The following CYTH1 variants were observed in gnomAD, a reference collection of about 807,000 sequenced individuals.
The protein encoded by CYTH1 is cytohesin-1.
In CYTH1, 18 loss-of-function variants were observed where a neutral mutation model predicts 61.8. The observed-to-expected ratio is 0.29, with a 90% confidence interval of 0.20 to 0.43. The LOEUF is 0.43. Ranked by LOEUF, CYTH1 falls within the 20% of genes least tolerant of loss-of-function variation. CYTH1 has a pLI of 1.00. For synonymous variants in CYTH1, 174 were observed against 184.3 expected, an observed-to-expected ratio of 0.94 and a Z score of 0.45; for missense variants, 336 against 510.5, an observed-to-expected ratio of 0.66 and a Z score of 3.29.
intron 3 of CYTH1, among the ~76,000 whole-genome samples, chr17:78,706,621 T>C (rs1044794230): frequency 6.6e-6 from 1 of 152,232 alleles, no homozygotes; most frequent in African/African-American, 2.4e-5. Flanking sequence ...ATGGACATGT[T>C]TTCATTTCTC....
chr17:78,747,292 C>T (rs1330104762), intron 1 of CYTH1, among the ~76,000 whole-genome samples: 2 of 151,078 alleles, frequency 1.3e-5, no homozygotes, highest in Admixed American at 6.6e-5. Flanking sequence ...GGTATACTAA[C>T]GAGGGGAGTG....
rs373988402 is a variant in CYTH1, at chr17:78,728,230, G to A, written c.23-18498C>T. The stretch of plus-strand genomic sequence containing the variant: ...AAAGACCCCAGTAATCAAAGTTCTC[G>A]TACATACACCACGATGTTTAAAAAC... On this transcript the variant is annotated intron_variant, in intron 1 of 13. Transcript: ENST00000446868. 9.3e-4 allele frequency among the ~76,000 whole-genome samples: 142 copies of A among 152,240 alleles called. 1 individual carries two copies. The highest frequency in any genetic ancestry group is 3.2e-3 in the African/African-American group (134 of 41,540).
chr17:78,765,832 A>G (rs2144733547), intron 1 of CYTH1, among the ~76,000 whole-genome samples: 1 of 152,258 alleles, frequency 6.6e-6, no homozygotes, highest in South Asian at 2.1e-4. Context: ...TAAATCCTGC[A>G]ATAGCATGAA....
intron 5 of CYTH1, 50 bp downstream of exon 5, chr17:78,702,072 T>C (rs2093016146): frequency 1.4e-6 from 2 of 1,426,160 alleles, no homozygotes; most frequent in Non-Finnish European, 9.8e-7. Context: ...TTTCTTTGTG[T>C]CGTTCCTGAA....
At chr17:78,760,381 ATATACACACACATACATATATATATGTG>A (rs1352901546) in intron 1 of CYTH1, among the ~76,000 whole-genome samples, 622 of 57,680 alleles carry the variant, frequency 0.011, 32 homozygotes, top group East Asian at 0.037. Flanking sequence ...ATATATATAT[ATATACACACACATACATATATATATGTG>A]TATATATATA....
At chr17:78,777,382 C>T (rs1379511463) in intron 1 of CYTH1, among the ~76,000 whole-genome samples, 1 of 152,062 alleles carries the variant, frequency 6.6e-6, no homozygotes, top group Non-Finnish European at 1.5e-5. Context: ...TGCGCCACTG[C>T]ACTCTAGCCT....
At chr17:78,773,516 C>CT (rs1428339247) in intron 1 of CYTH1, among the ~76,000 whole-genome samples, 5 of 151,436 alleles carry the variant, frequency 3.3e-5, no homozygotes, top group Non-Finnish European at 5.9e-5. Flanking sequence ...TGTAATTCCG[C>CT]TACTCAGGAG....
At chr17:78,692,774 C>CG (rs2092901607) in intron 10 of CYTH1, among the ~76,000 whole-genome samples, 1 of 151,884 alleles carries the variant, frequency 6.6e-6, no homozygotes. Flanking sequence ...GCGAGAAAAC[C>CG]CGGGGCAATA....
intron 1 of CYTH1, among the ~76,000 whole-genome samples, chr17:78,738,241 C>T (rs1299514195): frequency 3.3e-5 from 5 of 152,176 alleles, no homozygotes; most frequent in Non-Finnish European, 5.9e-5. Flanking sequence ...TCATCTAATC[C>T]TGAAAACATC....
rs1237676773 is a variant in CYTH1, at chr17:78,675,024, G to A, written c.*1067C>T. 1 of 152,320 alleles carries A rather than the reference G, an allele frequency of 6.6e-6. No individual in the cohort carries two copies. Among genetic ancestry groups the A allele is most frequent in the Non-Finnish European group, 1.5e-5 (1 of 68,120 alleles). The allele number at this position is 152,320 out of a possible 1,614,324, so 9.4% of individuals were successfully genotyped here. A position where few individuals can be genotyped will look rare whatever the true frequency, so the allele number is the denominator to read the frequency against. On this transcript the variant is annotated 3_prime_UTR_variant, in exon 14 of 14. Coordinates refer to ENST00000446868, the MANE Select transcript of CYTH1 (RefSeq NM_004762.6). ...ATCCAGAGTAGTCCAGTTAGGGCTG[G>A]TTTTGAGGCAGAAAAAGCTGAAGCC...
chr17:78,696,029 A>C lies in CYTH1; in HGVS notation c.812-20T>G. 7.3e-7 allele frequency: 1 copy of C among 1,367,918 alleles called. No individual in the cohort carries two copies. Among genetic ancestry groups the C allele is most frequent in the Non-Finnish European group, 9.8e-7 (1 of 1,021,992 alleles). The allele number at this position is 1,367,918 out of a possible 1,614,324, so 84.7% of individuals were successfully genotyped here. A position where few individuals can be genotyped will look rare whatever the true frequency, so the allele number is the denominator to read the frequency against. On this transcript the variant is annotated intron_variant, in intron 9 of 13. Transcript: ENST00000446868. ...TACCTCCTGGAGTTTGGGGCAAGGA[A>C]AAGGAGAGCCAAAATCATGGAAACA... is the stretch of plus-strand genomic sequence containing the variant.
chr17:78,698,338 C>T lies in CYTH1; in HGVS notation c.742G>A (p.Glu248Lys). Residue 248 changes from glutamate (E) to lysine (K), a missense_variant, in exon 9 of 14, where the codon GAA (glutamate) becomes AAA (lysine). Physicochemically the swap from Glu to Lys is moderately conservative, Grantham distance 56 (BLOSUM62 1). This residue lies in a region of CYTH1 where 125 missense variants were observed against 209.9 expected (regional missense o/e 0.60). Transcript: ENST00000446868. Reference sequence around the variant, plus strand: ...TGAGTGAGGTCATTCCCGTCGTCTTCTGGGATTTTAAAGGGTTCATTTTTT... The same window carrying T: ...TGAGTGAGGTCATTCCCGTCGTCTTTTGGGATTTTAAAGGGTTCATTTTTT... The part of the protein sequence containing the change: ...SIKNEPFKIP[E>K]DDGNDLTHTF... The T allele has an allele frequency of 6.2e-7, 1 of 1,613,176 alleles. No homozygotes were observed. Among genetic ancestry groups the T allele is most frequent in the Non-Finnish European group, 8.5e-7 (1 of 1,179,806 alleles).
intron 1 of CYTH1, among the ~76,000 whole-genome samples, chr17:78,721,423 G>T (rs774940347): frequency 2.0e-5 from 3 of 152,236 alleles, no homozygotes; most frequent in Non-Finnish European, 4.4e-5. Flanking sequence ...CAACATAGAG[G>T]CAGAGGTGCC....
intron 9 of CYTH1, 66 bp downstream of exon 9, chr17:78,698,179 GCGCACACACGCACGCACGCACACA>G (rs2144258900): frequency 1.9e-6 from 2 of 1,056,860 alleles, no homozygotes; most frequent in Non-Finnish European, 2.9e-6. Context: ...ACACGCACAC[GCGCACACACGCACGCACGCACACA>G]CGCACACACA....
At chr17:78,707,914 C>T (rs1784382569) in intron 3 of CYTH1, among the ~76,000 whole-genome samples, 2 of 152,070 alleles carry the variant, frequency 1.3e-5, no homozygotes, top group African/African-American at 2.4e-5. Flanking sequence ...CTCTTGACCT[C>T]GTGATCCACC....
At chr17:78,697,590 T>C (rs1274751655) in intron 9 of CYTH1, among the ~76,000 whole-genome samples, 6 of 150,226 alleles carry the variant, frequency 4.0e-5, no homozygotes, top group African/African-American at 1.5e-4. Flanking sequence ...CTGATTCAGA[T>C]TGAAAAGGAG....
chr17:78,706,179 T>A (rs972334850), intron 3 of CYTH1, among the ~76,000 whole-genome samples: 5 of 152,200 alleles, frequency 3.3e-5, no homozygotes, highest in Non-Finnish European at 7.3e-5. Flanking sequence ...ACACCTTAAG[T>A]GCACAGTTCA....
chr17:78,703,027 C>T (rs1270219460), intron 3 of CYTH1, among the ~76,000 whole-genome samples: 1 of 152,108 alleles, frequency 6.6e-6, no homozygotes, highest in East Asian at 1.9e-4. Flanking sequence ...CTCAAATGAT[C>T]TGCCTGCGTC....
At chr17:78,699,906 C>T (rs1311062104) in intron 7 of CYTH1, among the ~76,000 whole-genome samples, 1 of 152,190 alleles carries the variant, frequency 6.6e-6, no homozygotes, top group Non-Finnish European at 1.5e-5. Flanking sequence ...CCTCCTGCCT[C>T]AGCCTCACAA....
Sources: gnomAD v4.1 joint callset for allele counts (sites outside exome capture counted in the v4.1 genomes callset) on GRCh38, gnomAD v4.1.1 for gene constraint, gnomAD v4.1.1 regional missense constraint, MANE v1.5 for transcripts, NCBI Gene and HGNC (gene_info 2026-07-23, HGNC 2026-07-21) for gene names.